SLC28A3: variants seen among roughly 807,000 people sequenced by gnomAD.
SLC28A3 encodes concentrative Na(+)-nucleoside cotransporter 3.
Under a neutral mutation model 84.2 loss-of-function variants are expected in SLC28A3, and 68 were observed. The observed-to-expected ratio is 0.81, with a 90% CI of 0.66 to 0.99. The LOEUF (loss-of-function observed/expected upper bound fraction) is 0.99. Among genes scored for constraint, SLC28A3 ranks in the 50% least tolerant of loss-of-function variants. SLC28A3 has a pLI of 0.00. For missense variants in SLC28A3, 712 were observed against 841.5 expected, an observed-to-expected ratio of 0.85 and a Z score of 1.90; for synonymous variants, 267 against 303.6, an observed-to-expected ratio of 0.88 and a Z score of 1.25.
At position 84,280,016 on chromosome 9, in the gene SLC28A3, A is replaced by C; in HGVS notation, c.1787T>G (p.Ile596Ser). Residue 596 changes from isoleucine (I) to serine (S), a missense_variant, in exon 16 of 18, where the codon ATT (isoleucine) becomes AGT (serine). Physicochemically the swap from Ile to Ser is moderately radical, Grantham distance 142 (BLOSUM62 -2). Coordinates refer to ENST00000376238, the MANE Select transcript of SLC28A3 (RefSeq NM_001199633.2). ...CATGAAGCAGGCCACGGTCCCCGCA[A>C]TCAGAGCTCTCACTGCCCCCGAGGC... ...DIASGAVRALIAGTVACFMTA... is the reference protein window; with the variant it reads ...DIASGAVRALSAGTVACFMTA... 1 of 1,614,028 alleles carries C rather than the reference A, an allele frequency of 6.2e-7. No homozygotes were observed. The highest frequency in any genetic ancestry group is 8.5e-7 in the Non-Finnish European group (1 of 1,179,996).
intron 10 of SLC28A3, among the ~76,000 whole-genome samples, chr9:84,291,986 A>G (rs1825241932): frequency 6.6e-6 from 1 of 152,210 alleles, no homozygotes; most frequent in Non-Finnish European, 1.5e-5. Context: ...GCGTTTCTCC[A>G]TGTGATGGAA....
At chr9:84,339,487 T>C (rs940690755) in intron 1 of SLC28A3, among the ~76,000 whole-genome samples, 2 of 152,164 alleles carry the variant, frequency 1.3e-5, no homozygotes, top group African/African-American at 4.8e-5. Flanking sequence ...TGACCTCAAA[T>C]GATCAGCCCG....
At chr9:84,295,549 C>T (rs150438371) in intron 8 of SLC28A3, among the ~76,000 whole-genome samples, 1 of 152,266 alleles carries the variant, frequency 6.6e-6, no homozygotes, top group East Asian at 1.9e-4. Flanking sequence ...TGCCATTGCA[C>T]TCCAGCCTGG....
chr9:84,302,503 T>C (rs1825671103), intron 4 of SLC28A3, 114 bp from the exon 5 acceptor site: 2 of 983,354 alleles, frequency 2.0e-6, no homozygotes, highest in African/African-American at 1.6e-5. Flanking sequence ...TAAATATCAC[T>C]GAATGCAGGA....
chr9:84,301,092 A>G (rs1407631932), intron 5 of SLC28A3, among the ~76,000 whole-genome samples: 1 of 152,066 alleles, frequency 6.6e-6, no homozygotes. Flanking sequence ...GCTGACACCT[A>G]TAATCCCAGC....
chr9:84,284,789 C>T (rs968205939), intron 14 of SLC28A3, among the ~76,000 whole-genome samples: 1 of 152,204 alleles, frequency 6.6e-6, no homozygotes, highest in Non-Finnish European at 1.5e-5. Flanking sequence ...GCTTTCAGAT[C>T]ACAGACTCTG....
intron 4 of SLC28A3, 84 bp from the exon 5 acceptor site, chr9:84,302,473 G>C (rs568266456): frequency 3.4e-4 from 465 of 1,372,210 alleles, no homozygotes; most frequent in Non-Finnish European, 4.5e-4. Context: ...TGGCGCAGGT[G>C]AGGGGAGGTT....
At chr9:84,348,726 T>G in the SLC28A3 span, among the ~76,000 whole-genome samples, 1 of 151,926 alleles carries the variant, frequency 6.6e-6, no homozygotes, top group Non-Finnish European at 1.5e-5. Flanking sequence ...ATCTGAGGAG[T>G]GGGTTAGTTA....
chr9:84,361,899 A>G, the SLC28A3 span, among the ~76,000 whole-genome samples: 8 of 141,368 alleles, frequency 5.7e-5, no homozygotes, highest in Non-Finnish European at 7.6e-5. Flanking sequence ...ACAGAGCAAG[A>G]GTCTGTCTCT....
chr9:84,293,609 A>G (rs1265739016), intron 9 of SLC28A3, among the ~76,000 whole-genome samples: 1 of 152,180 alleles, frequency 6.6e-6, no homozygotes, highest in African/African-American at 2.4e-5. Context: ...TTGTCCTCTG[A>G]TCTAACACAT....
the SLC28A3 span, among the ~76,000 whole-genome samples, chr9:84,351,641 C>G: frequency 6.8e-6 from 1 of 147,058 alleles, no homozygotes; most frequent in South Asian, 2.1e-4. Flanking sequence ...GCCTGGATGA[C>G]AGAGTGAGAC....
chr9:84,329,002 C>T (rs558054561), intron 1 of SLC28A3, among the ~76,000 whole-genome samples: 1 of 152,224 alleles, frequency 6.6e-6, no homozygotes, highest in East Asian at 1.9e-4. Flanking sequence ...ACATACTTTA[C>T]ATTCAAAGAC....
At position 84,285,215 on chromosome 9, in the gene SLC28A3, T is replaced by C. The variant is rs145889204; in HGVS notation, c.1647+130A>G. 132 of 817,468 alleles carry C rather than the reference T, an allele frequency of 1.6e-4. No homozygotes were observed. In the African/African-American group the frequency reaches 2.0e-3, roughly 12 times the overall value. 50.6% of individuals were successfully genotyped at this position (817,468 alleles called of 1,614,324 possible). On this transcript the variant is annotated intron_variant, in intron 14 of 17. Coordinates refer to ENST00000376238, the MANE Select transcript of SLC28A3 (RefSeq NM_001199633.2). ...CATTATAAGCTCCATGAGCAATGGA[T>C]TTTAGGTTGTTTTGCTCTCTAATCT...
At chr9:84,292,815 T>C (rs1238529597) in intron 9 of SLC28A3, 67 bp from the exon 10 acceptor site, 2 of 1,058,800 alleles carry the variant, frequency 1.9e-6, no homozygotes, top group Non-Finnish European at 1.3e-6. Flanking sequence ...AAAGTAGGGA[T>C]TAAAATCCTT....
chr9:84,312,844 T>C (rs752858080), intron 2 of SLC28A3, among the ~76,000 whole-genome samples: 2 of 151,684 alleles, frequency 1.3e-5, no homozygotes, highest in Non-Finnish European at 2.9e-5. Context: ...CGGCCCTGAA[T>C]TACCTTTTAA....
At chr9:84,292,561 C>T (rs769076310) in intron 10 of SLC28A3, 107 bp downstream of exon 10, 1 of 827,854 alleles carries the variant, frequency 1.2e-6, no homozygotes, top group Non-Finnish European at 1.8e-6. Flanking sequence ...TATTTTGACA[C>T]CATTTTCTCT....
chr9:84,297,481 C>T (rs1825461249), intron 7 of SLC28A3, among the ~76,000 whole-genome samples, 183 bp from the exon 8 acceptor site: 1 of 152,160 alleles, frequency 6.6e-6, no homozygotes, highest in African/African-American at 2.4e-5. Context: ...TGAAATATTC[C>T]TGGATACAAA....
chr9:84,288,883 T>C (rs1319930719), intron 11 of SLC28A3, among the ~76,000 whole-genome samples: 16 of 152,054 alleles, frequency 1.1e-4, no homozygotes, highest in Admixed American at 1.0e-3. Flanking sequence ...GGGGAGGGGA[T>C]GGGGAGTGGA....
intron 5 of SLC28A3, among the ~76,000 whole-genome samples, chr9:84,300,239 C>T (rs1241145955): frequency 6.6e-6 from 1 of 152,208 alleles, no homozygotes; most frequent in Non-Finnish European, 1.5e-5. Context: ...TCTCCTTACT[C>T]TACAACTCTT....
Sources: gnomAD v4.1 joint callset for allele counts (sites outside exome capture counted in the v4.1 genomes callset) on GRCh38, gnomAD v4.1.1 for gene constraint, MANE v1.5 for transcripts, NCBI Gene and HGNC (gene_info 2026-07-23, HGNC 2026-07-21) for gene names.